RPAP3: variants seen among roughly 807,000 people sequenced by gnomAD.
RPAP3 encodes the protein RNA polymerase II-associated protein 3.
A neutral mutation model predicts 88.8 loss-of-function variants in RPAP3; 58 were observed. The observed-to-expected ratio is 0.65, with a 90% CI of 0.53 to 0.81. The LOEUF is 0.81. RPAP3 is among the 40% of genes least tolerant of loss of function. The pLI is 0.00. For missense variants in RPAP3, 751 were observed against 764.3 expected (o/e 0.98, Z 0.20); for synonymous variants, 255 against 259.9 (o/e 0.98, Z 0.18).
At position 47,662,358 on chromosome 12, in the gene RPAP3, A is replaced by G. The variant is rs976671443; in HGVS notation, c.*1147T>C. Reference sequence around the variant, plus strand: ...CATTCAAACTATCCAAATTACAAACATATCTCAATAATTTATACCACAATC... The same window carrying G: ...CATTCAAACTATCCAAATTACAAACGTATCTCAATAATTTATACCACAATC... On this transcript the variant is annotated 3_prime_UTR_variant, in exon 17 of 17. Transcript: ENST00000005386. 4 of 152,362 alleles carry G rather than the reference A, an allele frequency of 2.6e-5. No homozygotes were observed. In the South Asian group the frequency reaches 8.3e-4, roughly 32 times the overall value. 9.4% of individuals were successfully genotyped at this position (152,362 alleles called of 1,614,324 possible).
At chr12:47,693,274 G>C (rs1939463385) in intron 5 of RPAP3, among the ~76,000 whole-genome samples, 1 of 152,082 alleles carries the variant, frequency 6.6e-6, no homozygotes, top group East Asian at 1.9e-4. Context: ...GGGGGTCGGG[G>C]GTAGCTGGTC....
At chr12:47,704,900 C>G (rs780755994) in intron 1 of RPAP3, among the ~76,000 whole-genome samples, 1 of 151,570 alleles carries the variant, frequency 6.6e-6, no homozygotes, top group Non-Finnish European at 1.5e-5. Flanking sequence ...ATAGTTCCAG[C>G]TACTCAGGAG....
chr12:47,686,907 CCT>C lies in RPAP3; in HGVS notation c.865-2_865-1del, dbSNP rs757286363. On this transcript the variant is annotated splice_acceptor_variant, in intron 8 of 16. Coordinates refer to ENST00000005386, the MANE Select transcript of RPAP3 (RefSeq NM_024604.3). LOFTEE classifies it high-confidence loss of function. ...TTCCCCTCTTTGAAAAATCCATTCC[CCT>C]GTTATTTTGTAGAGAGATATGGAGA... The C allele has an allele frequency of 2.5e-6, 4 of 1,579,484 alleles. No homozygotes were observed. The South Asian group carries it at 3.5e-5, about 14-fold the overall frequency.
rs1456799023 is a variant in RPAP3 at position 47,668,999 on chromosome 12, G to A, written c.1630C>T (p.Pro544Ser). 4 of 1,613,962 alleles carry A rather than the reference G, an allele frequency of 2.5e-6. No individual in the cohort carries two copies. Among genetic ancestry groups the A allele is most frequent in the Admixed American group, 1.7e-5 (1 of 60,022 alleles). ...AGCTGGAACGAGTTTGCAGGAATTG[G>A]AGGAAGAACAGTTGTGGCAAACTGA... ...PAQFATTVLP[P>S]IPANSFQLES... The change falls in exon 14 of 17, where the codon CCA (proline) becomes TCA (serine). Residue 544 changes from proline to serine, a missense_variant. Coordinates refer to ENST00000005386, the MANE Select transcript of RPAP3 (RefSeq NM_024604.3).
chr12:47,689,397 T>C (rs1056090990), intron 6 of RPAP3, among the ~76,000 whole-genome samples: 6 of 152,204 alleles, frequency 3.9e-5, no homozygotes, highest in African/African-American at 1.4e-4. Context: ...CTGAGTGCAG[T>C]GGCGCAATCT....
rs1049324184 is a variant in RPAP3 at position 47,661,285 on chromosome 12, C to G, written c.*2220G>C. 3 of 152,104 alleles carry G rather than the reference C, an allele frequency of 2.0e-5. No homozygotes were observed. Among genetic ancestry groups the G allele is most frequent in the Non-Finnish European group, 2.9e-5 (2 of 68,004 alleles). 9.4% of individuals were successfully genotyped at this position (152,104 alleles called of 1,614,324 possible). A position where few individuals can be genotyped will look rare whatever the true frequency, so the allele number is the denominator to read the frequency against. On this transcript the variant is annotated 3_prime_UTR_variant, in exon 17 of 17. Transcript: ENST00000005386. ...AAAAATGACTTTATTAACCACTATG[C>G]TATTTTGCAATAAGGCAACAATATG...
intron 6 of RPAP3, 106 bp from the exon 7 acceptor site, chr12:47,689,301 G>C (rs1327435255): frequency 1.8e-6 from 1 of 544,652 alleles, no homozygotes. Context: ...CTGTCCTACA[G>C]CAAAATAAAG....
intron 14 of RPAP3, 144 bp from the exon 15 acceptor site, chr12:47,667,995 G>C: frequency 1.9e-6 from 1 of 515,842 alleles, no homozygotes; most frequent in Non-Finnish European, 3.5e-6. Context: ...GGGAGTTCGA[G>C]ACCAGTCTGA....
At chr12:47,670,025 A>C in intron 13 of RPAP3, 82 bp downstream of exon 13, 3 of 919,792 alleles carry the variant, frequency 3.3e-6, no homozygotes, top group Middle Eastern at 2.2e-4. Context: ...GATGAGTACA[A>C]ATCAGAAGTC....
rs1565720595 is a variant in RPAP3 at position 47,690,528 on chromosome 12, C to G, written c.657G>C (p.Glu219Asp). The change falls in exon 6 of 17, where the codon GAG becomes GAC. Residue 219 changes from glutamate (E) to aspartate (D), a missense_variant. By Grantham distance (45) the Glu-to-Asp change is conservative. Coordinates refer to ENST00000005386, the MANE Select transcript of RPAP3 (RefSeq NM_024604.3). ...GTGACTAGAAAATACCTTTTTTGGC[C>G]TCTTCTAATTTTTGCAAAGCAAATC... ...AARFALQKLE[E>D]AKKDYERVLE... 1.3e-6 allele frequency: 2 copies of G among 1,594,536 alleles called. No homozygotes were observed. Among genetic ancestry groups the G allele is most frequent in the South Asian group, 2.3e-5 (2 of 86,450 alleles).
In RPAP3 at chr12:47,669,075, T is replaced by TAC. The variant is rs780364070; in HGVS notation, c.1552_1553dup (p.Cys519TyrfsTer11). 6.2e-7 allele frequency: 1 copy of TAC among 1,613,772 alleles called. No homozygotes were observed. The highest frequency in any genetic ancestry group is 8.5e-7 in the Non-Finnish European group (1 of 1,179,726). On this transcript the variant is annotated frameshift_variant, in exon 14 of 17. Coordinates refer to ENST00000005386, the MANE Select transcript of RPAP3 (RefSeq NM_024604.3). LOFTEE classifies it high-confidence loss of function. ...GCATTTTCTCGCTGTAAGACTGACA[T>TAC]ACATCCTGCTTCAAACTGGCTTGAG...
At chr12:47,698,792 G>GT (rs1183970563) in intron 3 of RPAP3, among the ~76,000 whole-genome samples, 3 of 152,134 alleles carry the variant, frequency 2.0e-5, no homozygotes, top group Non-Finnish European at 4.4e-5. Flanking sequence ...GATTACAGGC[G>GT]TAAGCCACCG....
intron 16 of RPAP3, among the ~76,000 whole-genome samples, chr12:47,666,124 A>G (rs1369997208): frequency 6.6e-6 from 1 of 152,142 alleles, no homozygotes; most frequent in Non-Finnish European, 1.5e-5. Context: ...AAGAAAAAAA[A>G]AGACACACTG....
At chr12:47,680,425 T>C (rs1387192701) in intron 10 of RPAP3, among the ~76,000 whole-genome samples, 2 of 152,078 alleles carry the variant, frequency 1.3e-5, no homozygotes, top group African/African-American at 4.8e-5. Context: ...GAGCTATATA[T>C]TGAAAAATGG....
At chr12:47,688,079 C>A in intron 7 of RPAP3, 78 bp from the exon 8 acceptor site, 2 of 1,185,854 alleles carry the variant, frequency 1.7e-6, no homozygotes, top group Non-Finnish European at 1.1e-6. Flanking sequence ...AACATAAATA[C>A]CTCAAATATA....
intron 7 of RPAP3, among the ~76,000 whole-genome samples, chr12:47,688,608 A>G (rs915919391): frequency 1.3e-5 from 2 of 152,234 alleles, no homozygotes; most frequent in African/African-American, 2.4e-5. Flanking sequence ...AGCTGTTTTC[A>G]GACATAACAG....
intron 15 of RPAP3, among the ~76,000 whole-genome samples, chr12:47,667,396 T>G (rs1938900076): frequency 6.6e-6 from 1 of 152,206 alleles, no homozygotes; most frequent in South Asian, 2.1e-4. Flanking sequence ...TTGTCTGTAC[T>G]TGTCATTTCC....
intron 12 of RPAP3, among the ~76,000 whole-genome samples, chr12:47,672,087 G>GAA (rs60063883): frequency 2.7e-5 from 4 of 150,138 alleles, no homozygotes; most frequent in Admixed American, 6.6e-5. Flanking sequence ...GACAAATGAA[G>GAA]AAAAAAAAAG....
rs963199884 is a variant in RPAP3, at chr12:47,696,217, A to G, written c.545+59T>C. 34 of 1,337,134 alleles carry G rather than the reference A, an allele frequency of 2.5e-5. No individual in the cohort carries two copies. The African/African-American group carries it at 3.5e-4, about 14-fold the overall frequency. 82.8% of individuals were successfully genotyped at this position (1,337,134 alleles called of 1,614,324 possible). On this transcript the variant is annotated intron_variant, in intron 5 of 16. Transcript: ENST00000005386. ...ACACTTTATTCCACACTTTTTTTTA[A>G]TAAGTCTCCATATATACATAAGACA...
Sources: allele counts gnomAD v4.1 joint callset (sites outside exome capture counted in the v4.1 genomes callset), GRCh38; gene constraint gnomAD v4.1.1; transcripts MANE v1.5; gene names NCBI Gene and HGNC (gene_info 2026-07-23, HGNC 2026-07-21).